Variants in WDFY1 observed in about 807,000 individuals in gnomAD.
The protein encoded by WDFY1 is WD repeat and FYVE domain containing 1, also known as WD repeat and FYVE domain-containing protein 1.
Under a neutral mutation model 56.4 loss-of-function variants are expected in WDFY1, and 32 were observed. That is an observed-to-expected ratio of 0.57 (90% CI 0.43 to 0.76). The LOEUF is 0.76. Among genes scored for constraint, WDFY1 ranks in the 30% least tolerant of loss-of-function variants. The pLI is 0.00. For synonymous variants in WDFY1, 192 were observed against 197.3 expected, an observed-to-expected ratio of 0.97 and a Z score of 0.23; for missense variants, 480 against 545.7, an observed-to-expected ratio of 0.88 and a Z score of 1.20.
intron 1 of WDFY1, among the ~76,000 whole-genome samples, chr2:223,933,581 G>A (rs976921004): frequency 7.2e-5 from 11 of 152,072 alleles, no homozygotes; most frequent in Non-Finnish European, 1.6e-4. Flanking sequence ...AGTACTCTGG[G>A]AGGCTGAGGT....
intron 2 of WDFY1, among the ~76,000 whole-genome samples, chr2:223,913,213 A>C (rs941487956): frequency 8.7e-6 from 1 of 114,830 alleles, no homozygotes; most frequent in African/African-American, 6.4e-5. Context: ...ACTCCATCTC[A>C]AAAAAAAAAA....
chr2:223,891,382 C>CAAA lies in WDFY1; in HGVS notation c.831+2849_831+2851dup, dbSNP rs61587389. 3.3e-4 allele frequency among the ~76,000 whole-genome samples: 20 copies of CAAA among 60,120 alleles called. 2 individuals carry two copies. Among genetic ancestry groups the CAAA allele is most frequent in the South Asian group, 9.2e-4 (1 of 1,090 alleles). The allele number at this position is 60,120 out of a possible 152,430, so 39.4% of individuals were successfully genotyped here. A position where few individuals can be genotyped will look rare whatever the true frequency, so the allele number is the denominator to read the frequency against. On this transcript the variant is annotated intron_variant, in intron 8 of 11. Transcript: ENST00000233055. ...TGAGTGACAGAGCTAGACTCCGTCT[C>CAAA]AAAAAAAAAAAAAGCCCAAAAATCC...
chr2:223,894,151 C>T (rs2106077451), intron 8 of WDFY1, 83 bp downstream of exon 8: 1 of 1,378,330 alleles, frequency 7.3e-7, no homozygotes, highest in East Asian at 2.4e-5. Flanking sequence ...CCAGCATTTA[C>T]AGCTTGCGGG....
At chr2:223,880,286 T>TG in intron 10 of WDFY1, 54 bp from the exon 11 acceptor site, 1 of 1,527,092 alleles carries the variant, frequency 6.5e-7, no homozygotes, top group Admixed American at 1.7e-5. Context: ...CTAGAGCTAG[T>TG]GGGGTAAGCT....
chr2:223,896,155 C>CAAAAAAAAAAA (rs71058956), intron 6 of WDFY1, among the ~76,000 whole-genome samples: 1,361 of 39,826 alleles, frequency 0.034, 292 homozygotes, highest in Middle Eastern at 0.08. Context: ...GACTCTGTCT[C>CAAAAAAAAAAA]AAAAAAAAAA....
At chr2:223,891,855 G>A (rs540829169) in intron 8 of WDFY1, among the ~76,000 whole-genome samples, 110 of 152,064 alleles carry the variant, frequency 7.2e-4, no homozygotes, top group Non-Finnish European at 1.2e-3. Flanking sequence ...AAAATAATAG[G>A]CCAAGAGCCA....
chr2:223,903,661 TA>T (rs1157103197), intron 4 of WDFY1, among the ~76,000 whole-genome samples: 8,751 of 146,874 alleles, frequency 0.06, 676 homozygotes, highest in African/African-American at 0.18. Flanking sequence ...TTTTTTTTTT[TA>T]AAAAAAGGGA....
chr2:223,934,343 G>A (rs1046314028), intron 1 of WDFY1, among the ~76,000 whole-genome samples: 2 of 151,822 alleles, frequency 1.3e-5, no homozygotes, highest in East Asian at 1.9e-4. Context: ...CACCCACCTC[G>A]GCCCCGCAAA....
chr2:223,918,970 T>C (rs1693842340), intron 1 of WDFY1, among the ~76,000 whole-genome samples: 1 of 152,144 alleles, frequency 6.6e-6, no homozygotes, highest in Non-Finnish European at 1.5e-5. Context: ...TGCAGGAAAA[T>C]GACAAACGAC....
chr2:223,902,042 C>CA (rs2106082870), intron 4 of WDFY1, among the ~76,000 whole-genome samples: 1 of 152,278 alleles, frequency 6.6e-6, no homozygotes, highest in African/African-American at 2.4e-5. Context: ...CAGAACTTTG[C>CA]ATGTAGTAGA....
At position 223,911,996 on chromosome 2, in the gene WDFY1, G is replaced by A. The variant is rs116022704; in HGVS notation, c.279+257C>T. On this transcript the variant is annotated intron_variant, in intron 3 of 11. Coordinates refer to ENST00000233055, the MANE Select transcript of WDFY1 (RefSeq NM_020830.5). ...TACCAATTAATTTTTTTGATTTTTC[G>A]TTGAGATGAGGTCTCACTATGTTAC... Among the ~76,000 whole-genome samples the A allele has an allele frequency of 6.3e-3, 959 of 151,764 alleles. 8 individuals are homozygous for A. Among genetic ancestry groups the A allele is most frequent in the African/African-American group, 0.022 (910 of 41,370 alleles).
chr2:223,896,110 A>AGTGGAGC (rs1693365402), intron 6 of WDFY1, among the ~76,000 whole-genome samples: 1 of 138,492 alleles, frequency 7.2e-6, no homozygotes, highest in Non-Finnish European at 1.5e-5. Context: ...GAGCCAAGAT[A>AGTGGAGC]GCACCACTGC....
chr2:223,945,096 C>T, intron 1 of WDFY1, 52 bp downstream of exon 1: 1 of 1,532,230 alleles, frequency 6.5e-7, no homozygotes, highest in Non-Finnish European at 8.7e-7. Context: ...CCACCGCCCC[C>T]ACACCCCGTC....
At chr2:223,898,621 G>T (rs535251114) in intron 6 of WDFY1, among the ~76,000 whole-genome samples, 2 of 152,188 alleles carry the variant, frequency 1.3e-5, no homozygotes, top group South Asian at 4.1e-4. Context: ...GGCCAGGCTG[G>T]TCTCGAACTC....
Position 223,881,986 on chromosome 2 carries a change from T to G in WDFY1, c.1020A>C (p.Gln340His), listed in dbSNP as rs1415661750. 5 of 1,613,930 alleles carry G rather than the reference T, an allele frequency of 3.1e-6. No homozygotes were observed. The highest frequency in any genetic ancestry group is 4.2e-6 in the Non-Finnish European group (5 of 1,179,950). ...CGTAACAAGAATCACAAACCCGGAC[T>G]TGGAACTCGAAGCCCATGACTGGGT... ...SSYPVMGFEF[Q>H]VRVCDSCYDS... is the part of the protein sequence containing the mutation. The change falls in exon 10 of 12, where the codon CAA (glutamine) becomes CAC (histidine). Residue 340 changes from glutamine (Q) to histidine (H), a missense_variant. Coordinates refer to ENST00000233055, the MANE Select transcript of WDFY1 (RefSeq NM_020830.5).
At chr2:223,919,896 T>C (rs1037046664) in intron 1 of WDFY1, among the ~76,000 whole-genome samples, 3 of 152,218 alleles carry the variant, frequency 2.0e-5, no homozygotes, top group Non-Finnish European at 4.4e-5. Flanking sequence ...TCACACACCC[T>C]GACCATAGCA....
At chr2:223,908,886 C>T (rs1223174328) in intron 3 of WDFY1, among the ~76,000 whole-genome samples, 1 of 152,218 alleles carries the variant, frequency 6.6e-6, no homozygotes, top group Non-Finnish European at 1.5e-5. Flanking sequence ...TCAACACACA[C>T]CTTTATTCAC....
chr2:223,937,126 A>G (rs1694178568), intron 1 of WDFY1, among the ~76,000 whole-genome samples: 1 of 152,278 alleles, frequency 6.6e-6, no homozygotes, highest in Non-Finnish European at 1.5e-5. Flanking sequence ...AATCACTGAC[A>G]TGACCTGCAA....
chr2:223,930,730 G>C (rs1057421473), intron 1 of WDFY1, among the ~76,000 whole-genome samples: 8 of 152,200 alleles, frequency 5.3e-5, no homozygotes, highest in Non-Finnish European at 1.0e-4. Flanking sequence ...TCTGTGTCTT[G>C]GAAGACTGCC....
Sources: allele counts gnomAD v4.1 joint callset (sites outside exome capture counted in the v4.1 genomes callset), GRCh38; gene constraint gnomAD v4.1.1; transcripts MANE v1.5; gene names NCBI Gene and HGNC (gene_info 2026-07-23, HGNC 2026-07-21).